SEMA3E: variants seen among roughly 807,000 people sequenced by gnomAD.
The protein encoded by SEMA3E is semaphorin-3E.
A neutral mutation model predicts 93.6 loss-of-function variants in SEMA3E; 49 were observed. That is an observed-to-expected ratio of 0.52 (90% CI 0.42 to 0.66). SEMA3E has a LOEUF of 0.66. Among genes scored for constraint, SEMA3E ranks in the 30% least tolerant of loss-of-function variants. The pLI is 0.00. For synonymous variants in SEMA3E, 363 were observed against 330.7 expected (o/e 1.10, Z -1.06); for missense variants, 906 against 964.8 (o/e 0.94, Z 0.81).
intron 1 of SEMA3E, 59 bp from the exon 2 acceptor site, chr7:83,490,333 C>T (rs779218279): frequency 5.9e-5 from 92 of 1,547,142 alleles, no homozygotes; most frequent in Non-Finnish European, 7.5e-5. Context: ...ACCTTTATCA[C>T]CCTTTTCTCA....
chr7:83,626,022 A>G (rs895362178), intron 1 of SEMA3E, among the ~76,000 whole-genome samples: 7 of 152,156 alleles, frequency 4.6e-5, no homozygotes, highest in Admixed American at 1.3e-4. Flanking sequence ...TGATTTGCAT[A>G]TGTTGAACCA....
At chr7:83,579,396 A>T (rs943355740) in intron 1 of SEMA3E, among the ~76,000 whole-genome samples, 7 of 152,238 alleles carry the variant, frequency 4.6e-5, no homozygotes, top group Non-Finnish European at 7.4e-5. Flanking sequence ...GCTTAAATTT[A>T]AAAAAGTCTT....
In SEMA3E at chr7:83,453,453, A is replaced by G. The variant is rs563411895; in HGVS notation, c.456+13029T>C. On this transcript the variant is annotated intron_variant, in intron 4 of 16. Transcript: ENST00000643230. ...AAAAAAAAAGTACCATTGTCAGGTA[A>G]TCTCTATTTTTATGGCCCGTAATCT... 5.9e-5 allele frequency among the ~76,000 whole-genome samples: 9 copies of G among 151,684 alleles called. No individual in the cohort carries two copies. In the East Asian group the frequency reaches 1.7e-3, roughly 29 times the overall value.
In SEMA3E at chr7:83,648,829, A is replaced by G. The variant is rs967118392; in HGVS notation, c.-287T>C. On this transcript the variant is annotated 5_prime_UTR_variant, in exon 1 of 17. Transcript: ENST00000643230. ...AGCGCTCTTCAGCAACTACGCCGGT[A>G]GATTCAGGAAGAAGCTGTATTTTTC... is the stretch of plus-strand genomic sequence containing the variant. 3 of 341,906 alleles carry G rather than the reference A, an allele frequency of 8.8e-6. No individual in the cohort carries two copies. Among genetic ancestry groups the G allele is most frequent in the Non-Finnish European group, 1.6e-5 (3 of 182,518 alleles). The allele number at this position is 341,906 out of a possible 1,614,324, so 21.2% of individuals were successfully genotyped here.
chr7:83,402,215 T>A (rs1788245542), intron 10 of SEMA3E, among the ~76,000 whole-genome samples: 1 of 151,952 alleles, frequency 6.6e-6, no homozygotes, highest in Non-Finnish European at 1.5e-5. Context: ...AGAGGCTAAT[T>A]TAAATGTTAG....
chr7:83,611,369 TTATATATATAAATTTATATATTA>T (rs1562854556), intron 1 of SEMA3E, among the ~76,000 whole-genome samples: 1 of 144,100 alleles, frequency 6.9e-6, no homozygotes, highest in African/African-American at 2.5e-5. Flanking sequence ...AATTTATATA[TTATATATATAAATTTATATATTA>T]TATATATATA....
intron 1 of SEMA3E, among the ~76,000 whole-genome samples, chr7:83,603,754 C>A (rs1793046398): frequency 6.6e-6 from 1 of 152,104 alleles, no homozygotes; most frequent in Admixed American, 6.5e-5. Context: ...CATATTGTTT[C>A]ATCTACTGTA....
intron 1 of SEMA3E, among the ~76,000 whole-genome samples, chr7:83,506,031 AAAT>A (rs1445813436): frequency 0.012 from 1,634 of 130,858 alleles, 16 homozygotes; most frequent in African/African-American, 0.046. Context: ...AAAAAAAAAA[AAAT>A]ATATATATAT....
intron 1 of SEMA3E, among the ~76,000 whole-genome samples, chr7:83,516,393 T>G (rs2115668343): frequency 6.6e-6 from 1 of 152,260 alleles, no homozygotes; most frequent in South Asian, 2.1e-4. Context: ...CTTTTTCAGG[T>G]TACTGATTTT....
At chr7:83,370,737 G>A (rs963726415) in intron 16 of SEMA3E, among the ~76,000 whole-genome samples, 5 of 151,846 alleles carry the variant, frequency 3.3e-5, no homozygotes, top group African/African-American at 7.3e-5. Flanking sequence ...TATTACCTTC[G>A]TTTCGCCTGT....
At position 83,402,682 on chromosome 7, in the gene SEMA3E, A is replaced by T; in HGVS notation, c.1093T>A (p.Tyr365Asn). 1 of 1,612,940 alleles carries T rather than the reference A, an allele frequency of 6.2e-7. No homozygotes were observed. The highest frequency in any genetic ancestry group is 8.5e-7 in the Non-Finnish European group (1 of 1,179,094). The change falls in exon 10 of 17, where the codon TAC becomes AAC. Residue 365 changes from tyrosine to asparagine, a missense_variant. Transcript: ENST00000643230. ...TTTCCTTCATAGACTGACCAGTGGTATTCAGGTCCTTCCTTATGTGCATAT... is the reference window on the plus strand; with the variant it reads ...TTTCCTTCATAGACTGACCAGTGGTTTTCAGGTCCTTCCTTATGTGCATAT... ...GPYAHKEGPE[Y>N]HWSVYEGKVP...
intron 1 of SEMA3E, among the ~76,000 whole-genome samples, chr7:83,632,241 C>T (rs2115677194): frequency 6.6e-6 from 1 of 151,932 alleles, no homozygotes; most frequent in Non-Finnish European, 1.5e-5. Context: ...AATTCTGGTG[C>T]TCCATTTTAA....
chr7:83,429,333 C>T (rs920824055), intron 4 of SEMA3E, among the ~76,000 whole-genome samples: 4 of 152,190 alleles, frequency 2.6e-5, no homozygotes, highest in South Asian at 2.1e-4. Flanking sequence ...CTAATTATTA[C>T]GTCAGGATTC....
chr7:83,506,693 A>G (rs1485068061), intron 1 of SEMA3E, among the ~76,000 whole-genome samples: 3 of 152,236 alleles, frequency 2.0e-5, no homozygotes, highest in Non-Finnish European at 2.9e-5. Flanking sequence ...AAACCCATAT[A>G]AATCATAATG....
At chr7:83,627,619 C>G (rs1319250818) in intron 1 of SEMA3E, among the ~76,000 whole-genome samples, 1 of 143,700 alleles carries the variant, frequency 7.0e-6, no homozygotes, top group African/African-American at 2.6e-5. Context: ...ATGAAGATCG[C>G]AACCCCTGCT....
chr7:83,618,759 C>T (rs538763873), intron 1 of SEMA3E, among the ~76,000 whole-genome samples: 1 of 152,050 alleles, frequency 6.6e-6, no homozygotes, highest in East Asian at 1.9e-4. Flanking sequence ...TCATATGCTG[C>T]TGCCCAAAGA....
chr7:83,515,896 G>A (rs1200214478), intron 1 of SEMA3E, among the ~76,000 whole-genome samples: 4 of 152,200 alleles, frequency 2.6e-5, no homozygotes, highest in Middle Eastern at 3.4e-3. Flanking sequence ...GTGTGGTGGC[G>A]GGTGCCTGTA....
intron 2 of SEMA3E, among the ~76,000 whole-genome samples, chr7:83,486,520 C>G (rs1790260018): frequency 1.3e-5 from 2 of 152,114 alleles, no homozygotes; most frequent in South Asian, 2.1e-4. Flanking sequence ...ATCTTCAGAG[C>G]CTGGTGAGCA....
At chr7:83,646,033 G>C (rs945235803) in intron 1 of SEMA3E, among the ~76,000 whole-genome samples, 1 of 151,946 alleles carries the variant, frequency 6.6e-6, no homozygotes, top group Non-Finnish European at 1.5e-5. Context: ...ATCATTAACT[G>C]TGAAAAGAAT....
Sources: allele counts gnomAD v4.1 joint callset (sites outside exome capture counted in the v4.1 genomes callset), GRCh38; gene constraint gnomAD v4.1.1; transcripts MANE v1.5; gene names NCBI Gene and HGNC (gene_info 2026-07-23, HGNC 2026-07-21).